The following CPQ variants were observed in gnomAD, a reference collection of about 807,000 sequenced individuals.
The protein encoded by CPQ is Ser-Met dipeptidase.
A neutral mutation model predicts 45.7 loss-of-function variants in CPQ; 37 were observed. The observed-to-expected ratio is 0.81, with a 90% CI of 0.62 to 1.07. The LOEUF is 1.07. Among genes scored for constraint, CPQ ranks in the 50% least tolerant of loss-of-function variants. The pLI, the probability that CPQ is intolerant of heterozygous loss-of-function variation, is 0.00. For synonymous variants in CPQ, 186 were observed against 205.8 expected (o/e 0.90, Z 0.82); for missense variants, 537 against 572.9 (o/e 0.94, Z 0.64).
At chr8:96,848,213 A>G (rs1431866901) in intron 3 of CPQ, among the ~76,000 whole-genome samples, 1 of 152,170 alleles carries the variant, frequency 6.6e-6, no homozygotes, top group African/African-American at 2.4e-5. Context: ...TATTCAGTAA[A>G]CATTTATTAT....
intron 6 of CPQ, among the ~76,000 whole-genome samples, chr8:97,035,411 T>C (rs1336894057): frequency 6.6e-6 from 1 of 152,174 alleles, no homozygotes; most frequent in Non-Finnish European, 1.5e-5. Context: ...GGTCATATGA[T>C]AGGTGATGTT....
intron 1 of CPQ, among the ~76,000 whole-genome samples, chr8:96,747,385 C>CTACTA (rs1810201992): frequency 6.6e-6 from 1 of 151,980 alleles, no homozygotes. Flanking sequence ...TATTGAATCC[C>CTACTA]TACTAGAATG....
At chr8:96,781,325 G>A (rs1810682588) in intron 1 of CPQ, among the ~76,000 whole-genome samples, 1 of 152,128 alleles carries the variant, frequency 6.6e-6, no homozygotes, top group Non-Finnish European at 1.5e-5. Context: ...CAAGATTGAG[G>A]GGCCACATCT....
intron 7 of CPQ, chr8:97,092,946 A>T (rs1811149849): frequency 6.6e-6 from 1 of 152,204 alleles, no homozygotes; most frequent in Admixed American, 6.6e-5. Flanking sequence ...TCTAGAATCT[A>T]TAAGGAACTT....
chr8:96,719,183 G>C (rs1039692898), intron 1 of CPQ, among the ~76,000 whole-genome samples: 15 of 152,204 alleles, frequency 9.9e-5, no homozygotes, highest in Non-Finnish European at 2.9e-5. Context: ...CCCATGGAGG[G>C]GGTGGGAGGC....
chr8:97,065,905 C>G, intron 6 of CPQ, 104 bp from the exon 7 acceptor site: 2 of 1,109,288 alleles, frequency 1.8e-6, no homozygotes, highest in Non-Finnish European at 2.6e-6. Context: ...TGTTTTGGCA[C>G]AGCCGTAAGG....
chr8:96,671,212 C>T (rs1586352476), intron 1 of CPQ, among the ~76,000 whole-genome samples: 1 of 152,160 alleles, frequency 6.6e-6, no homozygotes, highest in Non-Finnish European at 1.5e-5. Context: ...ATACACTGGT[C>T]TACAAATATT....
At chr8:96,984,125 T>C (rs1813959300) in intron 5 of CPQ, among the ~76,000 whole-genome samples, 1 of 152,184 alleles carries the variant, frequency 6.6e-6, no homozygotes, top group Admixed American at 6.5e-5. Flanking sequence ...TTTTAGTGGT[T>C]ACTATTAAAT....
chr8:96,840,800 T>C (rs1240160594), intron 3 of CPQ, among the ~76,000 whole-genome samples: 5 of 152,210 alleles, frequency 3.3e-5, no homozygotes, highest in Admixed American at 2.6e-4. Flanking sequence ...GGGGTCCAAG[T>C]TGATAGGCAA....
intron 7 of CPQ, among the ~76,000 whole-genome samples, chr8:97,120,968 G>T (rs2130606612): frequency 6.6e-6 from 1 of 152,150 alleles, no homozygotes; most frequent in South Asian, 2.1e-4. Flanking sequence ...AAACCTAAAA[G>T]GTAAGTATAA....
chr8:97,040,242 A>G (rs953415337), intron 6 of CPQ, among the ~76,000 whole-genome samples: 1 of 152,190 alleles, frequency 6.6e-6, no homozygotes, highest in Non-Finnish European at 1.5e-5. Flanking sequence ...ACTGATGGTG[A>G]GCATTTTTTC....
At chr8:97,125,532 T>C (rs950406001) in intron 7 of CPQ, among the ~76,000 whole-genome samples, 1 of 152,196 alleles carries the variant, frequency 6.6e-6, no homozygotes, top group Admixed American at 6.5e-5. Flanking sequence ...GATAATATAC[T>C]ATGTTCAAGT....
intron 7 of CPQ, among the ~76,000 whole-genome samples, chr8:97,075,479 C>G (rs1160927647): frequency 6.6e-6 from 1 of 152,164 alleles, no homozygotes; most frequent in Non-Finnish European, 1.5e-5. Flanking sequence ...ATGGACCCTT[C>G]TCTCCTGGAG....
intron 2 of CPQ, among the ~76,000 whole-genome samples, chr8:96,827,571 T>C (rs911684968): frequency 1.3e-5 from 2 of 152,234 alleles, no homozygotes; most frequent in African/African-American, 2.4e-5. Context: ...CAGATACTTA[T>C]TGCTTATGCC....
At chr8:96,920,280 T>C (rs1469800819) in intron 4 of CPQ, among the ~76,000 whole-genome samples, 1 of 152,160 alleles carries the variant, frequency 6.6e-6, no homozygotes, top group Non-Finnish European at 1.5e-5. Context: ...CCCTATTAAA[T>C]TGAAAGATTG....
At chr8:97,096,082 A>G (rs1055167901) in intron 7 of CPQ, among the ~76,000 whole-genome samples, 6 of 150,820 alleles carry the variant, frequency 4.0e-5, no homozygotes, top group African/African-American at 1.5e-4. Context: ...TGATGATGAT[A>G]GCTACATTTA....
At chr8:97,067,116 A>G (rs1810652028) in intron 7 of CPQ, among the ~76,000 whole-genome samples, 2 of 151,670 alleles carry the variant, frequency 1.3e-5, no homozygotes, top group Admixed American at 1.3e-4. Flanking sequence ...TTACAGAGAC[A>G]GAGTTTCGCC....
intron 4 of CPQ, among the ~76,000 whole-genome samples, chr8:96,949,202 A>G (rs527712726): frequency 6.6e-6 from 1 of 151,328 alleles, no homozygotes; most frequent in African/African-American, 2.4e-5. Context: ...TTTTAGTCCT[A>G]TAGTCCTTTT....
At chr8:96,726,227 G>A (rs184767434) in intron 1 of CPQ, among the ~76,000 whole-genome samples, 1 of 151,980 alleles carries the variant, frequency 6.6e-6, no homozygotes, top group Non-Finnish European at 1.5e-5. Flanking sequence ...TAAAATAAAA[G>A]AAGAAATTAT....
Sources: gnomAD v4.1 joint callset for allele counts (sites outside exome capture counted in the v4.1 genomes callset) on GRCh38, gnomAD v4.1.1 for gene constraint, MANE v1.5 for transcripts, NCBI Gene and HGNC (gene_info 2026-07-23, HGNC 2026-07-21) for gene names.